Variants in MYH7 observed in about 807,000 individuals in gnomAD.
MYH7 encodes myosin heavy chain 7.
MYH7 carries 129 observed loss-of-function variants against 225.4 expected under a neutral mutation model. The observed-to-expected ratio is 0.57, with a 90% CI of 0.50 to 0.66. The LOEUF (loss-of-function observed/expected upper bound fraction) is 0.66, where lower values mean the gene tolerates loss of function less well. Ranked by LOEUF, MYH7 falls within the 30% of genes least tolerant of loss-of-function variation. The probability of loss-of-function intolerance (pLI) is 0.00; values close to 1 mark genes in which losing one functional copy is unlikely to be tolerated. For missense variants in MYH7, 1,649 were observed against 2,517.0 expected, an observed-to-expected ratio of 0.66 and a Z score of 7.38; for synonymous variants, 971 against 1,007.6, an observed-to-expected ratio of 0.96 and a Z score of 0.69.
rs1892592957 is a variant in MYH7 at position 23,424,057 on chromosome 14, C to G, written c.2772G>C (p.Glu924Asp). 6.2e-7 allele frequency: 1 copy of G among 1,614,136 alleles called. No individual in the cohort carries two copies. The highest frequency in any genetic ancestry group is 1.3e-5 in the African/African-American group (1 of 74,940). Residue 924 changes from glutamate (E) to aspartate (D), a missense_variant, in exon 23 of 40, where the codon GAG becomes GAC. Coordinates refer to ENST00000355349, the MANE Select transcript of MYH7 (RefSeq NM_000257.4). ...QLEAKVKEMN[E>D]RLEDEEEMNA... ...TCATCTCCTCCTCATCCTCCAGCCT[C>G]TCGTTCATCTCCTTCACCTTGGCCT...
In MYH7 at chr14:23,428,990, C is replaced by CTATGAA. The variant is rs1386136433; in HGVS notation, c.1366_1371dup (p.Phe456_Ile457dup). 6.2e-7 allele frequency: 1 copy of CTATGAA among 1,614,084 alleles called. No homozygotes were observed. The highest frequency in any genetic ancestry group is 8.5e-7 in the Non-Finnish European group (1 of 1,180,050). ...TCGAAGCCAGCGATGTCCAGGACTC[C>CTATGAA]TATGAAGTACTGGCGTGGCTGCTTG... On this transcript the variant is annotated inframe_insertion, in exon 14 of 40. Coordinates refer to ENST00000355349, the MANE Select transcript of MYH7 (RefSeq NM_000257.4).
chr14:23,431,129 C>T, intron 9 of MYH7, 130 bp from the exon 10 acceptor site: 11 of 746,306 alleles, frequency 1.5e-5, no homozygotes, highest in Non-Finnish European at 2.4e-5. Context: ...TGGACAGACA[C>T]AAAGAGATCA....
Position 23,415,660 on chromosome 14 carries a change from G to A in MYH7, c.5126C>T (p.Thr1709Ile). Residue 1709 changes from threonine to isoleucine, a missense_variant, in exon 35 of 40, where the codon ACT (threonine) becomes ATT (isoleucine). Thr to Ile is a moderately conservative substitution (Grantham distance 89, BLOSUM62 -1). Around this residue, in one of 12 missense-constraint regions of MYH7, gnomAD observed 687 missense variants for 913.8 expected, o/e 0.75. Transcript: ENST00000355349. The surrounding 1 kb of genome is among the most constrained non-coding windows in gnomAD (Gnocchi z 6.3). ...RKLAEQELIETSERVQLLHSQ... is the reference protein window; with the variant it reads ...RKLAEQELIEISERVQLLHSQ... ...ATGCAGCAGCTGCACCCGCTCACTA[G>A]TCTCAATCAGCTCCTGCTCCGCCAG... 1 of 1,613,976 alleles carries A rather than the reference G, an allele frequency of 6.2e-7. No homozygotes were observed. The highest frequency in any genetic ancestry group is 8.5e-7 in the Non-Finnish European group (1 of 1,180,036).
rs1892189171 is a variant in MYH7 at position 23,416,040 on chromosome 14, G to A, written c.4917C>T (p.Ala1639=). 1 of 1,614,144 alleles carries A rather than the reference G, an allele frequency of 6.2e-7. No individual in the cohort carries two copies. ...TCTGGAGGCTCTTGACTTGCTTCTG[G>A]GCCTCGGCGGCCATGCGGTTGGCGT... The part of the protein sequence containing the change: ...LSHANRMAAE[A]QKQVKSLQSL... The change falls in exon 34 of 40, where the codon GCC becomes GCT. Residue 1639 remains alanine, a synonymous_variant. Transcript: ENST00000355349.
At chr14:23,422,038 C>T in intron 25 of MYH7, 142 bp downstream of exon 25, 1 of 1,317,718 alleles carries the variant, frequency 7.6e-7, no homozygotes, top group Non-Finnish European at 1.1e-6. Flanking sequence ...AAAGCCCTTG[C>T]CTGGGAGGCC....
chr14:23,432,673 G>C lies in MYH7; in HGVS notation c.468C>G (p.Ser156=). ...TGTACTGATAGGCGTTGTCGGAGATGGAGAAGATGTGGGGCGGGGCCTCGC... is the reference window on the plus strand; with the variant it reads ...TGTACTGATAGGCGTTGTCGGAGATCGAGAAGATGTGGGGCGGGGCCTCGC... ...KRSEAPPHIF[S]ISDNAYQYML... is the part of the protein sequence containing the mutation. Residue 156 remains serine, a synonymous_variant, in exon 5 of 40, where the codon TCC becomes TCG. Coordinates refer to ENST00000355349, the MANE Select transcript of MYH7 (RefSeq NM_000257.4). 6.2e-7 allele frequency: 1 copy of C among 1,614,150 alleles called. No individual in the cohort carries two copies. Among genetic ancestry groups the C allele is most frequent in the Non-Finnish European group, 8.5e-7 (1 of 1,180,036 alleles).
chr14:23,417,438 C>G (rs1165881908), intron 31 of MYH7, 65 bp downstream of exon 31: 1 of 1,612,064 alleles, frequency 6.2e-7, no homozygotes, highest in African/African-American at 1.3e-5. Context: ...TGGCTCTGGC[C>G]TCTCACTGAA....
At position 23,417,290 on chromosome 14, in the gene MYH7, T is replaced by C. The variant is rs995126992; in HGVS notation, c.4382A>G (p.Glu1461Gly). 1 of 1,614,150 alleles carries C rather than the reference T, an allele frequency of 6.2e-7. No individual in the cohort carries two copies. Among genetic ancestry groups the C allele is most frequent in the Admixed American group, 1.7e-5 (1 of 60,036 alleles). The change falls in exon 32 of 40, where the codon GAG becomes GGG. Residue 1461 changes from glutamate to glycine, a missense_variant. Glu to Gly is a moderately conservative substitution (Grantham distance 98, BLOSUM62 -2). This residue lies in a region of MYH7 where 687 missense variants were observed against 913.8 expected (regional missense o/e 0.75). Transcript: ENST00000355349. ...KILAEWKQKY[E>G]ESQSELESSQ... is the part of the protein sequence containing the mutation. ...GGACTCCAGCTCCGACTGCGACTCC[T>C]CATACTTCTGCTTCCACTCGGCCAG...
Position 23,427,769 on chromosome 14 carries a change from A to G in MYH7, c.1704T>C (p.Asn568=). ...GKSANFQKPR[N]IKGKPEAHFS... ...AGTGGGCTTCAGGCTTCCCCTTGAT[A>G]TTGCGTGGCTTCTGGAAGTTGGCGG... Residue 568 remains asparagine, a synonymous_variant, in exon 16 of 40, where the codon AAT becomes AAC. Transcript: ENST00000355349. The G allele has an allele frequency of 6.2e-7, 1 of 1,614,116 alleles. No individual in the cohort carries two copies. Among genetic ancestry groups the G allele is most frequent in the East Asian group, 2.2e-5 (1 of 44,870 alleles).
rs548734550 is a variant in MYH7 at position 23,418,062 on chromosome 14, G to A, written c.4169+148C>T. ...ATTCGAGCAAAAAGCTTCCCTGAGA[G>A]GAGAAGGAGGTGGGGCCGGGGCAGA... On this transcript the variant is annotated intron_variant, in intron 30 of 39. Transcript: ENST00000355349. The A allele has an allele frequency of 6.1e-5, 74 of 1,207,500 alleles. No homozygotes were observed. In the African/African-American group the frequency reaches 1.0e-3, roughly 17 times the overall value. 74.8% of individuals were successfully genotyped at this position (1,207,500 alleles called of 1,614,324 possible).
rs149904793 is a variant in MYH7, at chr14:23,415,873, C to T, written c.4954-41G>A. On this transcript the variant is annotated intron_variant, in intron 34 of 39. Coordinates refer to ENST00000355349, the MANE Select transcript of MYH7 (RefSeq NM_000257.4). The surrounding 1 kb of genome is among the most constrained non-coding windows in gnomAD (Gnocchi z 6.3). ...GTGGGCATGAGCAGGGAGCCAGCCT[C>T]GGTTCCCTTCACTAAAGGCACCTGT... The T allele has an allele frequency of 1.1e-3, 1,769 of 1,613,620 alleles. 17 individuals carry two copies. The African/African-American group carries it at 0.018, about 16-fold the overall frequency.
intron 26 of MYH7, 94 bp downstream of exon 26, chr14:23,420,864 T>C (rs1892444786): frequency 1.3e-5 from 12 of 935,860 alleles, no homozygotes; most frequent in South Asian, 2.7e-5. Flanking sequence ...AATCAGTTCC[T>C]GTAATGCTGT....
chr14:23,426,449 G>A (rs1892696084), intron 18 of MYH7, among the ~76,000 whole-genome samples: 1 of 152,180 alleles, frequency 6.6e-6, no homozygotes, highest in Non-Finnish European at 1.5e-5. Flanking sequence ...TTAACAATTT[G>A]AATATGTCTC....
At chr14:23,430,518 T>A (rs1298322055) in intron 11 of MYH7, 42 bp downstream of exon 11, 1 of 1,528,332 alleles carries the variant, frequency 6.5e-7, no homozygotes, top group Admixed American at 1.7e-5. Flanking sequence ...TGCCCCTCAC[T>A]GCCAATCCTC....
intron 6 of MYH7, 74 bp downstream of exon 6, chr14:23,432,405 C>T: frequency 6.3e-7 from 1 of 1,591,470 alleles, no homozygotes; most frequent in Non-Finnish European, 8.6e-7. Context: ...GCCTCGGGGC[C>T]TGGGACACCT....
chr14:23,426,743 C>G (rs745387941), intron 18 of MYH7, 34 bp downstream of exon 18: 2 of 1,591,676 alleles, frequency 1.3e-6, no homozygotes, highest in East Asian at 4.5e-5. Flanking sequence ...CGGTGTATGC[C>G]CAGCAGTGGG....
rs959305953 is a variant in MYH7, at chr14:23,430,968, C to T, written c.828G>A (p.Gln276=). ...YLLEKSRVIF[Q]LKAERDYHIF... is the part of the protein sequence containing the mutation. Reference sequence around the variant, plus strand: ...TGTGATAATCTCTCTCTGCTTTCAGCTGGAAAATAACTCTGGATTTTTCCA... The same window carrying T: ...TGTGATAATCTCTCTCTGCTTTCAGTTGGAAAATAACTCTGGATTTTTCCA... Residue 276 remains glutamine, a synonymous_variant, in exon 10 of 40, where the codon CAG becomes CAA. Transcript: ENST00000355349. 1 of 1,613,908 alleles carries T rather than the reference C, an allele frequency of 6.2e-7. No individual in the cohort carries two copies. Among genetic ancestry groups the T allele is most frequent in the South Asian group, 1.1e-5 (1 of 91,076 alleles).
chr14:23,434,117 A>T, intron 2 of MYH7, 77 bp downstream of exon 2: 1 of 914,562 alleles, frequency 1.1e-6, no homozygotes, highest in Non-Finnish European at 1.4e-6. Context: ...CAGAAACTAG[A>T]GTTCCATAGG....
chr14:23,428,915 G>A (rs1892806283), intron 14 of MYH7, 40 bp downstream of exon 14: 1 of 1,613,882 alleles, frequency 6.2e-7, no homozygotes, highest in Admixed American at 1.7e-5. Flanking sequence ...GTGGGAGCGA[G>A]TGAGTGATTG....
Sources: allele counts gnomAD v4.1 joint callset (sites outside exome capture counted in the v4.1 genomes callset), GRCh38; gene constraint gnomAD v4.1.1; regional missense constraint gnomAD v4.1.1; non-coding constraint Gnocchi (gnomAD v3.1); transcripts MANE v1.5; gene names NCBI Gene and HGNC (gene_info 2026-07-23, HGNC 2026-07-21).